Variants in VRK2 observed in about 807,000 individuals in gnomAD.
VRK2 encodes serine/threonine-protein kinase VRK2.
VRK2 carries 60 observed loss-of-function variants against 57.6 expected under a neutral mutation model. That is an observed-to-expected ratio of 1.04 (90% confidence interval 0.85 to 1.29). VRK2 has a LOEUF of 1.29. Ranked by LOEUF, VRK2 falls within the 50% of genes most tolerant of loss-of-function variation. VRK2 has a pLI of 0.00. For missense variants in VRK2, 705 were observed against 588.1 expected (o/e 1.20, Z -2.06); for synonymous variants, 231 against 199.2 (o/e 1.16, Z -1.35).
chr2:58,074,967 G>A (rs1669880855), intron 2 of VRK2, among the ~76,000 whole-genome samples: 1 of 152,054 alleles, frequency 6.6e-6, no homozygotes, highest in Admixed American at 6.6e-5. Flanking sequence ...TGTGCGTCAT[G>A]GGAGTTTGGT....
At chr2:57,954,514 T>A (rs1208928511) in intron 1 of VRK2, among the ~76,000 whole-genome samples, 1 of 152,112 alleles carries the variant, frequency 6.6e-6, no homozygotes, top group South Asian at 2.1e-4. Flanking sequence ...AAAAGCTGAA[T>A]CTTCAATATG....
chr2:58,105,782 A>G (rs1674662891), intron 7 of VRK2, among the ~76,000 whole-genome samples: 1 of 151,874 alleles, frequency 6.6e-6, no homozygotes, highest in Admixed American at 6.6e-5. Context: ...TGCAGGTAGC[A>G]CTATTGCTAG....
intron 1 of VRK2, among the ~76,000 whole-genome samples, chr2:57,956,085 C>A (rs1671577926): frequency 6.6e-6 from 1 of 152,124 alleles, no homozygotes. Flanking sequence ...GAAATGAGCA[C>A]CCTGCAGCAT....
At chr2:58,068,811 G>GAAA (rs60586801) in intron 2 of VRK2, among the ~76,000 whole-genome samples, 1 of 129,716 alleles carries the variant, frequency 7.7e-6, no homozygotes, top group Non-Finnish European at 1.7e-5. Flanking sequence ...ACCCCCTCAG[G>GAAA]AAAAAAAAAA....
intron 7 of VRK2, among the ~76,000 whole-genome samples, chr2:58,122,236 A>G (rs1269786143): frequency 1.3e-5 from 2 of 152,166 alleles, no homozygotes; most frequent in African/African-American, 4.8e-5. Context: ...GGAGACTCAT[A>G]ACATTAGGTT....
intron 1 of VRK2, among the ~76,000 whole-genome samples, chr2:57,935,008 T>A (rs1467819114): frequency 6.6e-6 from 1 of 152,234 alleles, no homozygotes; most frequent in Admixed American, 6.5e-5. Flanking sequence ...TCTGTGCTTT[T>A]TGTACCTTGC....
upstream of VRK2, among the ~76,000 whole-genome samples, chr2:58,045,378 G>C (rs1187389426): frequency 2.6e-5 from 4 of 152,186 alleles, no homozygotes; most frequent in Non-Finnish European, 4.4e-5. Context: ...TGCTACTGGA[G>C]TTGTTTCTTC....
chr2:58,085,300 A>C (rs1187307338), intron 4 of VRK2, among the ~76,000 whole-genome samples: 5 of 151,950 alleles, frequency 3.3e-5, no homozygotes, highest in Non-Finnish European at 7.4e-5. Context: ...TAAGGAAAAA[A>C]CATTAAAATG....
At chr2:58,017,329 C>T (rs964297930) in intron 1 of VRK2, among the ~76,000 whole-genome samples, 1 of 152,202 alleles carries the variant, frequency 6.6e-6, no homozygotes, top group South Asian at 2.1e-4. Flanking sequence ...ACTGACTACT[C>T]CAGGGAGCTC....
At chr2:57,912,810 A>G (rs1432759016) in intron 1 of VRK2, among the ~76,000 whole-genome samples, 1 of 152,202 alleles carries the variant, frequency 6.6e-6, no homozygotes, top group Non-Finnish European at 1.5e-5. Flanking sequence ...TGGACTAAAT[A>G]TTTGTATCCC....
intron 2 of VRK2, among the ~76,000 whole-genome samples, chr2:58,053,158 A>G (rs1037652249): frequency 6.6e-6 from 1 of 152,242 alleles, no homozygotes; most frequent in Non-Finnish European, 1.5e-5. Flanking sequence ...TCTACTGCAG[A>G]TTAGTATCCT....
At chr2:58,049,904 A>C (rs910873148) in intron 2 of VRK2, among the ~76,000 whole-genome samples, 10 of 152,334 alleles carry the variant, frequency 6.6e-5, no homozygotes, top group African/African-American at 2.4e-4. Flanking sequence ...GAATGAATGA[A>C]GTTTGGTCAA....
In VRK2 at chr2:57,932,131, AG is replaced by A. The variant is rs149377331; in HGVS notation, c.-439+24294del. On this transcript the variant is annotated intron_variant, in intron 1 of 15. Transcript: ENST00000417641. The stretch of plus-strand genomic sequence containing the variant: ...TCTTTTGTGTTTTCATACAAATTTT[AG>A]GATTTTTCTATTCTATATATAGCAT... Among the ~76,000 whole-genome samples, 909 of 152,188 alleles carry A rather than the reference AG, an allele frequency of 6.0e-3. 10 individuals are homozygous for A. Among genetic ancestry groups the A allele is most frequent in the African/African-American group, 0.021 (856 of 41,528 alleles).
At chr2:58,010,316 C>A (rs1015885788) in intron 1 of VRK2, among the ~76,000 whole-genome samples, 1 of 151,996 alleles carries the variant, frequency 6.6e-6, no homozygotes, top group African/African-American at 2.4e-5. Context: ...TCATGACAAA[C>A]AAGTATGAGC....
chr2:58,089,143 G>C (rs1468014251), intron 6 of VRK2, among the ~76,000 whole-genome samples: 1 of 152,200 alleles, frequency 6.6e-6, no homozygotes, highest in African/African-American at 2.4e-5. Context: ...AAGGGCTTTA[G>C]AGATGAAGCT....
intron 3 of VRK2, among the ~76,000 whole-genome samples, chr2:58,037,566 T>C (rs765940904): frequency 1.3e-5 from 2 of 152,066 alleles, no homozygotes; most frequent in Non-Finnish European, 2.9e-5. Flanking sequence ...AAATCCCCCA[T>C]TTTTCATAAA....
rs541497926 is a variant in VRK2, at chr2:58,021,247, A to AT, written c.-438-4409dup. 7.4e-4 allele frequency among the ~76,000 whole-genome samples: 112 copies of AT among 151,430 alleles called. No homozygotes were observed. The South Asian group carries it at 0.01, about 14-fold the overall frequency. ...CAAATGAGTGAAAAATTAAAATGTGATTTTTTTTTCCCTCCTTTCCAAGCT... is the reference window on the plus strand; with the variant it reads ...CAAATGAGTGAAAAATTAAAATGTGATTTTTTTTTTCCCTCCTTTCCAAGCT... On this transcript the variant is annotated intron_variant, in intron 1 of 15. Coordinates refer to the VRK2 transcript ENST00000417641.
At chr2:58,057,184 A>G (rs1038739242) in intron 2 of VRK2, among the ~76,000 whole-genome samples, 1 of 152,154 alleles carries the variant, frequency 6.6e-6, no homozygotes, top group Admixed American at 6.6e-5. Context: ...GATGTGTTAA[A>G]TTAACTCTAG....
At chr2:57,972,599 G>C (rs1265618495) in intron 1 of VRK2, among the ~76,000 whole-genome samples, 2 of 151,736 alleles carry the variant, frequency 1.3e-5, no homozygotes, top group African/African-American at 2.4e-5. Context: ...ATACAGAATA[G>C]ATTCATTTGT....
Sources: gnomAD v4.1 joint callset for allele counts (sites outside exome capture counted in the v4.1 genomes callset) on GRCh38, gnomAD v4.1.1 for gene constraint, MANE v1.5 for transcripts, NCBI Gene and HGNC (gene_info 2026-07-23, HGNC 2026-07-21) for gene names.